Variants in CLUL1 observed in about 807,000 individuals in gnomAD.
CLUL1 encodes the protein clusterin-like protein 1.
A neutral mutation model predicts 49.4 loss-of-function variants in CLUL1; 43 were observed. That is an observed-to-expected ratio of 0.87 (90% confidence interval 0.68 to 1.12). The LOEUF (loss-of-function observed/expected upper bound fraction) is 1.12. CLUL1 is among the 50% of genes most tolerant of loss of function. The probability of loss-of-function intolerance (pLI) is 0.00; values close to 1 mark genes in which losing one functional copy is unlikely to be tolerated. For synonymous variants in CLUL1, 192 were observed against 184.9 expected (o/e 1.04, Z -0.31); for missense variants, 486 against 544.4 (o/e 0.89, Z 1.07).
rs1375615833 is a variant in CLUL1 at position 627,449 on chromosome 18, G to C, written c.776G>C (p.Ser259Thr). ...PNFFQLFCNFSVSIYESVSET... is the reference protein window; with the variant it reads ...PNFFQLFCNFTVSIYESVSET... ...TTCTTCCAGCTGTTTTGTAATTTCA[G>C]TGTCTCTATTTATGAAAGTGTCAGT... The change falls in exon 6 of 10, where the codon AGT (serine) becomes ACT (threonine). Residue 259 changes from serine (S) to threonine (T), a missense_variant. Coordinates refer to ENST00000692774, the MANE Select transcript of CLUL1 (RefSeq NM_001393344.1). 1 of 1,613,892 alleles carries C rather than the reference G, an allele frequency of 6.2e-7. No individual in the cohort carries two copies. Among genetic ancestry groups the C allele is most frequent in the Non-Finnish European group, 8.5e-7 (1 of 1,179,780 alleles).
chr18:635,775 C>T (rs1352339482), intron 7 of CLUL1, among the ~76,000 whole-genome samples: 2 of 152,112 alleles, frequency 1.3e-5, no homozygotes, highest in African/African-American at 4.8e-5. Flanking sequence ...CCGTTTCTGT[C>T]GCCCAGGCTG....
intron 9 of CLUL1, among the ~76,000 whole-genome samples, chr18:648,604 A>G (rs185946194): frequency 6.6e-6 from 1 of 152,036 alleles, no homozygotes; most frequent in East Asian, 1.9e-4. Context: ...ATATAGCTAT[A>G]TATAGCTAAA....
chr18:644,595 TG>T (rs1237981185), intron 8 of CLUL1, among the ~76,000 whole-genome samples: 1 of 152,230 alleles, frequency 6.6e-6, no homozygotes, highest in African/African-American at 2.4e-5. Context: ...ATTGAGACAG[TG>T]AAGAGCCTAT....
At chr18:641,672 G>A (rs2074349009) in intron 8 of CLUL1, 131 bp downstream of exon 8, 4 of 736,214 alleles carry the variant, frequency 5.4e-6, no homozygotes, top group Non-Finnish European at 9.0e-6. Flanking sequence ...CATTGTGATT[G>A]CCTTCAGGCT....
intron 2 of CLUL1, 92 bp from the exon 3 acceptor site, chr18:617,896 A>G: frequency 2.0e-6 from 2 of 1,014,266 alleles, no homozygotes; most frequent in Non-Finnish European, 3.0e-6. Context: ...ATTGACAGAA[A>G]AATGCTTTGG....
In CLUL1 at chr18:618,008, C is replaced by T. The variant is rs1057354536; in HGVS notation, c.8C>T (p.Pro3Leu). The T allele has an allele frequency of 3.7e-6, 6 of 1,613,986 alleles. No homozygotes were observed. The highest frequency in any genetic ancestry group is 2.2e-5 in the East Asian group (1 of 44,882). ...TGCAGTAACAGCGGGAACATGAAGC[C>T]GCCACTCTTGGTGTTTATTGTGTGT... is the stretch of plus-strand genomic sequence containing the variant. MKPPLLVFIVCLL... is the reference protein window; with the variant it reads MKLPLLVFIVCLL... The change falls in exon 3 of 10, where the codon CCG becomes CTG. Residue 3 changes from proline to leucine, a missense_variant. Transcript: ENST00000692774. This position sits in a 1 kb window ranked among gnomAD's most constrained non-coding sequence, Gnocchi z 4.2.
chr18:615,386 G>A (rs937891156), intron 2 of CLUL1, among the ~76,000 whole-genome samples: 14 of 152,190 alleles, frequency 9.2e-5, no homozygotes, highest in African/African-American at 3.1e-4. Flanking sequence ...TAGGAAGTAA[G>A]CCATCTTTCT....
chr18:621,664 C>T (rs1466714398), intron 4 of CLUL1, among the ~76,000 whole-genome samples: 1 of 152,186 alleles, frequency 6.6e-6, no homozygotes, highest in African/African-American at 2.4e-5. Flanking sequence ...ATGTTTTGAA[C>T]ATCTGGGTAA....
intron 2 of CLUL1, among the ~76,000 whole-genome samples, chr18:617,628 G>GA (rs370271069): frequency 9.2e-5 from 14 of 151,456 alleles, no homozygotes; most frequent in Non-Finnish European, 1.6e-4. Context: ...ATTTTGGAGG[G>GA]AAAAAAATCC....
chr18:632,729 T>A (rs969143902), intron 6 of CLUL1, among the ~76,000 whole-genome samples: 1 of 152,202 alleles, frequency 6.6e-6, no homozygotes, highest in Admixed American at 6.5e-5. Flanking sequence ...ATTACATGCA[T>A]TAATATATGT....
At chr18:597,931 C>T (rs1034572198) in intron 1 of CLUL1, 2 of 152,166 alleles carry the variant, frequency 1.3e-5, no homozygotes, top group Non-Finnish European at 2.9e-5. Context: ...TAACTGCTAC[C>T]TTAAACCGAT....
chr18:623,034 C>CATT (rs547821326), intron 4 of CLUL1, among the ~76,000 whole-genome samples: 1 of 143,534 alleles, frequency 7.0e-6, no homozygotes, highest in African/African-American at 2.6e-5. Flanking sequence ...GGAGAAACAA[C>CATT]TTTTTTTTTT....
intron 2 of CLUL1, among the ~76,000 whole-genome samples, chr18:615,603 T>A (rs763247540): frequency 2.6e-5 from 4 of 152,210 alleles, no homozygotes; most frequent in Non-Finnish European, 4.4e-5. Flanking sequence ...TGCTCTGCTC[T>A]TCCTGAGAAA....
Position 606,839 on chromosome 18 carries a change from C to A in CLUL1, c.-135-139C>A, listed in dbSNP as rs1489184990. 2 of 492,806 alleles carry A rather than the reference C, an allele frequency of 4.1e-6. No individual in the cohort carries two copies. Among genetic ancestry groups the A allele is most frequent in the Non-Finnish European group, 3.6e-6 (1 of 278,136 alleles). The allele number at this position is 492,806 out of a possible 1,614,324, so 30.5% of individuals were successfully genotyped here. On this transcript the variant is annotated intron_variant, in intron 1 of 9. Coordinates refer to ENST00000692774, the MANE Select transcript of CLUL1 (RefSeq NM_001393344.1). This position sits in a 1 kb window ranked among gnomAD's most constrained non-coding sequence, Gnocchi z 4.1. ...GAGCAGGAATGTTCTTGGGCATCTG[C>A]CTTCCCCCACCAGCACCCCCCACAA...
rs562339885 is a variant in CLUL1, at chr18:618,249, C to A, written c.106+143C>A. ...CTCAAGGCGCTTAAACCAGGTCATC[C>A]TGACGCCAAACATCTGGGTAAAAAT... On this transcript the variant is annotated intron_variant, in intron 3 of 9. Coordinates refer to ENST00000692774, the MANE Select transcript of CLUL1 (RefSeq NM_001393344.1). This position sits in a 1 kb window ranked among gnomAD's most constrained non-coding sequence, Gnocchi z 4.2. 94 of 615,614 alleles carry A rather than the reference C, an allele frequency of 1.5e-4. No individual in the cohort carries two copies. The African/African-American group carries it at 1.7e-3, about 11-fold the overall frequency. 38.1% of individuals were successfully genotyped at this position (615,614 alleles called of 1,614,324 possible).
chr18:637,205 C>G (rs2074168986), intron 7 of CLUL1, among the ~76,000 whole-genome samples: 1 of 151,932 alleles, frequency 6.6e-6, no homozygotes, highest in Non-Finnish European at 1.5e-5. Context: ...CCAGGATGGT[C>G]TCGATCTCCT....
intron 5 of CLUL1, among the ~76,000 whole-genome samples, chr18:626,477 C>T (rs2073701710): frequency 1.3e-5 from 2 of 152,068 alleles, no homozygotes; most frequent in African/African-American, 2.4e-5. Context: ...AAGAAATTAT[C>T]TTAAAGTTAA....
At chr18:624,123 G>A (rs568486784) in intron 4 of CLUL1, among the ~76,000 whole-genome samples, 16 of 152,296 alleles carry the variant, frequency 1.1e-4, no homozygotes, top group African/African-American at 3.4e-4. Flanking sequence ...GCTGAGGCTC[G>A]CAGGGACAGG....
In CLUL1 at chr18:644,793, A is replaced by G. The variant is rs903617684; in HGVS notation, c.1210-117A>G. On this transcript the variant is annotated intron_variant, in intron 8 of 9. Coordinates refer to ENST00000692774, the MANE Select transcript of CLUL1 (RefSeq NM_001393344.1). ...TGTTGCATGAAGCCCTAGGAATGCC[A>G]GGACTAATCTGTTACCTCAGCACAA... 8 of 650,784 alleles carry G rather than the reference A, an allele frequency of 1.2e-5. No individual in the cohort carries two copies. The African/African-American group carries it at 1.3e-4, about 11-fold the overall frequency. 40.3% of individuals were successfully genotyped at this position (650,784 alleles called of 1,614,324 possible).
Sources: allele counts gnomAD v4.1 joint callset (sites outside exome capture counted in the v4.1 genomes callset), GRCh38; gene constraint gnomAD v4.1.1; non-coding constraint Gnocchi (gnomAD v3.1); transcripts MANE v1.5; gene names NCBI Gene and HGNC (gene_info 2026-07-23, HGNC 2026-07-21).